Variants in GRIK2 observed in about 807,000 individuals in gnomAD.
GRIK2 encodes the protein glutamate receptor ionotropic, kainate 2.
A neutral mutation model predicts 100.3 loss-of-function variants in GRIK2; 32 were observed. The observed-to-expected ratio is 0.32, with a 90% CI of 0.24 to 0.43. The LOEUF is 0.43. GRIK2 is among the 20% of genes least tolerant of loss of function. The pLI, the probability that GRIK2 is intolerant of heterozygous loss-of-function variation, is 1.00. For missense variants in GRIK2, 843 were observed against 1,114.9 expected (o/e 0.76, Z 3.47); for synonymous variants, 417 against 389.4 (o/e 1.07, Z -0.83).
At chr6:101,548,171 G>GT (rs1309516002) in intron 2 of GRIK2, among the ~76,000 whole-genome samples, 7 of 151,972 alleles carry the variant, frequency 4.6e-5, no homozygotes, top group Admixed American at 4.6e-4. Flanking sequence ...GGGGTTGTTT[G>GT]TTTTTTTCTT....
intron 7 of GRIK2, among the ~76,000 whole-genome samples, chr6:101,737,296 A>G (rs1173918565): frequency 1.3e-5 from 2 of 152,076 alleles, no homozygotes. Flanking sequence ...ACTAGTTCCA[A>G]TTTACAGTAT....
At chr6:101,846,739 A>T (rs1312039328) in intron 10 of GRIK2, among the ~76,000 whole-genome samples, 1 of 152,080 alleles carries the variant, frequency 6.6e-6, no homozygotes, top group Admixed American at 6.6e-5. Context: ...AAGTTTTGAT[A>T]GCAGTGTCTC....
At chr6:101,845,448 A>G (rs1367411551) in intron 10 of GRIK2, among the ~76,000 whole-genome samples, 1 of 152,178 alleles carries the variant, frequency 6.6e-6, no homozygotes, top group African/African-American at 2.4e-5. Context: ...TTCACTTAGC[A>G]TAATATTTTC....
intron 1 of GRIK2, among the ~76,000 whole-genome samples, chr6:101,397,484 C>G (rs1185464097): frequency 1.3e-5 from 2 of 152,188 alleles, no homozygotes; most frequent in Admixed American, 6.5e-5. Context: ...GCCTGCTATA[C>G]TGCAGAACTA....
chr6:101,663,590 C>T (rs973992394), intron 4 of GRIK2, among the ~76,000 whole-genome samples: 5 of 152,182 alleles, frequency 3.3e-5, no homozygotes, highest in Non-Finnish European at 7.3e-5. Context: ...AATTATTAAG[C>T]AACTACCTCT....
At chr6:102,064,508 T>C (rs1771921289) in intron 16 of GRIK2, among the ~76,000 whole-genome samples, 1 of 150,714 alleles carries the variant, frequency 6.6e-6, no homozygotes. Context: ...CTTCTTTTTT[T>C]AGTATAACCA....
chr6:101,980,895 T>C, intron 14 of GRIK2, among the ~76,000 whole-genome samples: 1 of 149,970 alleles, frequency 6.7e-6, no homozygotes, highest in African/African-American at 2.4e-5. Flanking sequence ...TTTTTCCTTT[T>C]TTTTTTTTTT....
intron 2 of GRIK2, among the ~76,000 whole-genome samples, chr6:101,512,271 A>G (rs1382721598): frequency 1.3e-5 from 2 of 151,980 alleles, no homozygotes; most frequent in Non-Finnish European, 2.9e-5. Context: ...TATATACAGT[A>G]TGGTATTTTT....
intron 2 of GRIK2, among the ~76,000 whole-genome samples, chr6:101,480,136 G>A (rs1772451641): frequency 1.3e-5 from 2 of 152,094 alleles, no homozygotes; most frequent in Non-Finnish European, 2.9e-5. Flanking sequence ...TTCTATCAAA[G>A]CATTTCTGCT....
intron 12 of GRIK2, among the ~76,000 whole-genome samples, chr6:101,894,575 T>C (rs998035282): frequency 6.6e-6 from 1 of 151,672 alleles, no homozygotes; most frequent in Non-Finnish European, 1.5e-5. Context: ...TCCTTTTTCT[T>C]TCTCTTTTCT....
intron 2 of GRIK2, among the ~76,000 whole-genome samples, chr6:101,403,479 G>C (rs1280386006): frequency 6.6e-6 from 1 of 152,150 alleles, no homozygotes; most frequent in African/African-American, 2.4e-5. Flanking sequence ...ACCTCCTTGC[G>C]TACACGAAGA....
chr6:102,055,403 G>C lies in GRIK2; in HGVS notation c.2385G>C (p.Lys795Asn). 6.2e-7 allele frequency: 1 copy of C among 1,613,222 alleles called. No individual in the cohort carries two copies. The highest frequency in any genetic ancestry group is 8.5e-7 in the Non-Finnish European group (1 of 1,179,258). The change falls in exon 16 of 17, where the codon AAG becomes AAC. Residue 795 changes from lysine (K) to asparagine (N), a missense_variant. By Grantham distance (94) the Lys-to-Asn change is moderately conservative. Transcript: ENST00000369134. Reference sequence around the variant, plus strand: ...AGGAAGGCAAACTGCATATGATGAAGGAGAAATGGTGGAGGGGCAATGGTT... The same window carrying C: ...AGGAAGGCAAACTGCATATGATGAACGAGAAATGGTGGAGGGGCAATGGTT... Reference protein sequence around the residue: ...LQEEGKLHMMKEKWWRGNGCP... With the variant: ...LQEEGKLHMMNEKWWRGNGCP...
Position 101,682,568 on chromosome 6 carries a change from A to T in GRIK2, c.739A>T (p.Met247Leu). The change falls in exon 6 of 17, where the codon ATG (methionine) becomes TTG (leucine). Residue 247 changes from methionine (M) to leucine (L), a missense_variant. By Grantham distance (15) the Met-to-Leu change is conservative. Transcript: ENST00000369134. ...TTTTCCTTAGGCATTAGCTATGGGA[A>T]TGATGACAGAATACTATCATTATAT... ...GILKQALAMGMMTEYYHYIFT... is the reference protein window; with the variant it reads ...GILKQALAMGLMTEYYHYIFT... 7.5e-7 allele frequency: 1 copy of T among 1,336,576 alleles called. No homozygotes were observed. The highest frequency in any genetic ancestry group is 1.1e-6 in the Non-Finnish European group (1 of 934,966). 82.8% of individuals were successfully genotyped at this position (1,336,576 alleles called of 1,614,324 possible).
intron 2 of GRIK2, among the ~76,000 whole-genome samples, chr6:101,558,702 C>T (rs1232865519): frequency 7.7e-6 from 1 of 130,016 alleles, no homozygotes; most frequent in Non-Finnish European, 1.6e-5. Context: ...TGCTAGTTTT[C>T]AGACAATTTT....
chr6:101,798,509 T>C (rs1010429857), intron 7 of GRIK2, among the ~76,000 whole-genome samples: 1 of 152,064 alleles, frequency 6.6e-6, no homozygotes, highest in South Asian at 2.1e-4. Context: ...TCTTATTGCA[T>C]TGTGCTCTTT....
At chr6:101,707,546 A>G (rs1398737995) in intron 7 of GRIK2, among the ~76,000 whole-genome samples, 1 of 125,272 alleles carries the variant, frequency 8.0e-6, no homozygotes, top group African/African-American at 3.6e-5. Context: ...GTATATATGT[A>G]TATATGTGTA....
intron 2 of GRIK2, among the ~76,000 whole-genome samples, chr6:101,454,740 G>GT (rs1770902630): frequency 6.6e-6 from 1 of 152,022 alleles, no homozygotes; most frequent in Non-Finnish European, 1.5e-5. Flanking sequence ...CCATAAAGTT[G>GT]TTTTTTGCTT....
At position 101,936,331 on chromosome 6, in the gene GRIK2, T is replaced by G. The variant is rs375373118; in HGVS notation, c.2085+7699T>G. Among the ~76,000 whole-genome samples the G allele has an allele frequency of 4.6e-5, 7 of 152,062 alleles. No individual in the cohort carries two copies. The East Asian group carries it at 5.8e-4, about 13-fold the overall frequency. On this transcript the variant is annotated intron_variant, in intron 14 of 16. Coordinates refer to ENST00000369134, the MANE Select transcript of GRIK2 (RefSeq NM_021956.5). ...TTCCTTTATTAATGGTGTTGAAATA[T>G]CGAATGTGGGAAATTCACTAATGTT... is the stretch of plus-strand genomic sequence containing the variant.
At chr6:101,832,920 A>G (rs796093281) in intron 10 of GRIK2, among the ~76,000 whole-genome samples, 38 of 152,324 alleles carry the variant, frequency 2.5e-4, no homozygotes, top group African/African-American at 8.9e-4. Context: ...TGAAATTCTC[A>G]TGAAAATTCA....
Sources: gnomAD v4.1 joint callset for allele counts (sites outside exome capture counted in the v4.1 genomes callset) on GRCh38, gnomAD v4.1.1 for gene constraint, MANE v1.5 for transcripts, NCBI Gene and HGNC (gene_info 2026-07-23, HGNC 2026-07-21) for gene names.